Variants in ZSCAN18 observed in about 807,000 individuals in gnomAD.
ZSCAN18 encodes the protein zinc finger and SCAN domain-containing protein 18.
In ZSCAN18, 16 loss-of-function variants were observed where a neutral mutation model predicts 31.1. The observed-to-expected ratio is 0.51, with a 90% CI of 0.35 to 0.78. ZSCAN18 has a LOEUF of 0.78. Among genes scored for constraint, ZSCAN18 ranks in the 30% least tolerant of loss-of-function variants. ZSCAN18 has a pLI of 0.01. For missense variants in ZSCAN18, 731 were observed against 697.4 expected (o/e 1.05, Z -0.54); for synonymous variants, 375 against 320.7 (o/e 1.17, Z -1.81).
At chr19:58,117,691 G>A (rs562493051) in intron 1 of ZSCAN18, among the ~76,000 whole-genome samples, 1 of 150,610 alleles carries the variant, frequency 6.6e-6, no homozygotes, top group East Asian at 2.0e-4. Flanking sequence ...ACCCTGGGAA[G>A]GTGAGAAAAG....
At chr19:58,103,462 CATT>C (rs952523059) in intron 1 of ZSCAN18, among the ~76,000 whole-genome samples, 14 of 152,140 alleles carry the variant, frequency 9.2e-5, no homozygotes, top group Non-Finnish European at 1.9e-4. Flanking sequence ...CAAACTATTG[CATT>C]ATTATTATCT....
At chr19:58,113,036 C>T (rs1347849121) in intron 1 of ZSCAN18, among the ~76,000 whole-genome samples, 4 of 150,366 alleles carry the variant, frequency 2.7e-5, no homozygotes, top group Non-Finnish European at 5.9e-5. Flanking sequence ...GGGTCAAGGG[C>T]CAGGCGCAGT....
In ZSCAN18 at chr19:58,089,305, A is replaced by C. The variant is rs1424272529; in HGVS notation, c.404-468T>G. Among the ~76,000 whole-genome samples, 21 of 9,578 alleles carry C rather than the reference A, an allele frequency of 2.2e-3. 3 individuals carry two copies. Among genetic ancestry groups the C allele is most frequent in the Non-Finnish European group, 3.7e-3 (13 of 3,504 alleles). 6.3% of individuals were successfully genotyped at this position (9,578 alleles called of 152,430 possible). On this transcript the variant is annotated intron_variant, in intron 2 of 6. Coordinates refer to ENST00000601144, the MANE Select transcript of ZSCAN18 (RefSeq NM_001145543.2). Reference sequence around the variant, plus strand: ...GCGACAGAGCGAGACTCCGTCTCAAAAAAAAAAAAAAAAAAAAAAAAAAAA... The same window carrying C: ...GCGACAGAGCGAGACTCCGTCTCAACAAAAAAAAAAAAAAAAAAAAAAAAA...
At chr19:58,109,090 T>C (rs1438890994) in intron 1 of ZSCAN18, 2 of 1,227,600 alleles carry the variant, frequency 1.6e-6, no homozygotes, top group Non-Finnish European at 2.0e-6. Context: ...CCCTCATAGA[T>C]GCTCTGGGTC....
chr19:58,107,362 G>T (rs1479476387), intron 1 of ZSCAN18, among the ~76,000 whole-genome samples: 1 of 151,792 alleles, frequency 6.6e-6, no homozygotes, highest in Admixed American at 6.6e-5. Flanking sequence ...TTCAAGACCA[G>T]CCTGACCAAC....
intron 1 of ZSCAN18, among the ~76,000 whole-genome samples, chr19:58,093,955 G>C (rs1247505275): frequency 2.6e-5 from 4 of 151,680 alleles, no homozygotes; most frequent in Admixed American, 6.6e-5. Flanking sequence ...AGTACAGACG[G>C]GGTTTCACCA....
Position 58,098,162 on chromosome 19 carries a change from G to A in ZSCAN18, c.-120+12C>T, listed in dbSNP as rs895663232. 2.1e-5 allele frequency: 21 copies of A among 985,432 alleles called. No individual in the cohort carries two copies. Among genetic ancestry groups the A allele is most frequent in the Non-Finnish European group, 2.5e-5 (21 of 830,070 alleles). The allele number at this position is 985,432 out of a possible 1,614,324, so 61.0% of individuals were successfully genotyped here. ...CTCTGACCCCCGCGCTGCATCCCCG[G>A]GACCGACCCACCTGCTGCGCAGCTA... On this transcript the variant is annotated intron_variant, in intron 1 of 6. Coordinates refer to ENST00000601144, the MANE Select transcript of ZSCAN18 (RefSeq NM_001145543.2).
At position 58,085,126 on chromosome 19, in the gene ZSCAN18, C is replaced by G. The variant is rs549321719; in HGVS notation, c.1092G>C (p.Thr364=). ...GCGGCCTCTTGGTTCCCAGTTTCGC[C>G]GTGCCCCTGTCCGGGGCAGGCTGCT... ...VIQQPAPDRG[T]AKLGTKRPHP... Residue 364 remains threonine, a synonymous_variant, in exon 7 of 7, where the codon ACG becomes ACC. Transcript: ENST00000601144. 1 of 1,608,354 alleles carries G rather than the reference C, an allele frequency of 6.2e-7. No homozygotes were observed. The highest frequency in any genetic ancestry group is 8.5e-7 in the Non-Finnish European group (1 of 1,177,702).
intron 5 of ZSCAN18, chr19:58,086,522 T>C (rs947261149): frequency 4.1e-6 from 2 of 490,076 alleles, no homozygotes; most frequent in African/African-American, 3.9e-5. Flanking sequence ...CAAAAATTGC[T>C]CAGGAGTCTG....
chr19:58,085,842 G>GC (rs2074268526), intron 6 of ZSCAN18: 2 of 351,628 alleles, frequency 5.7e-6, no homozygotes, highest in Non-Finnish European at 1.0e-5. Context: ...GGGCCCTCCA[G>GC]CCCAAGTCCG....
chr19:58,115,902 A>T (rs1005925249), intron 1 of ZSCAN18, among the ~76,000 whole-genome samples: 11 of 152,122 alleles, frequency 7.2e-5, no homozygotes, highest in African/African-American at 2.7e-4. Flanking sequence ...TACACATTCA[A>T]CTTGCCTCCC....
At position 58,084,591 on chromosome 19, in the gene ZSCAN18, G is replaced by T. The variant is rs2074220286; in HGVS notation, c.*94C>A. On this transcript the variant is annotated 3_prime_UTR_variant, in exon 7 of 7. Coordinates refer to ENST00000601144, the MANE Select transcript of ZSCAN18 (RefSeq NM_001145543.2). The surrounding 1 kb of genome is among the most constrained non-coding windows in gnomAD (Gnocchi z 4.5). ...CAGAGGACGTCCACAAACACCACAG[G>T]AAGCCGCCACCCAGGGGCGTGGAAA... The T allele has an allele frequency of 5.6e-6, 7 of 1,259,282 alleles. No individual in the cohort carries two copies. The highest frequency in any genetic ancestry group is 7.4e-6 in the Non-Finnish European group (7 of 951,490). The allele number at this position is 1,259,282 out of a possible 1,614,324, so 78.0% of individuals were successfully genotyped here. A position where few individuals can be genotyped will look rare whatever the true frequency, so the allele number is the denominator to read the frequency against.
rs548591472 is a variant in ZSCAN18 at position 58,105,650 on chromosome 19, G to A, written c.130+12617C>T. 4.7e-3 allele frequency among the ~76,000 whole-genome samples: 711 copies of A among 151,958 alleles called. 4 individuals are homozygous for A. Among genetic ancestry groups the A allele is most frequent in the South Asian group, 0.027 (130 of 4,814 alleles). ...CACTCCAGCCTGGGCAACAGAGTGAGACTCCGTCTCAAAAAAATAAAAAAT... is the reference window on the plus strand; with the variant it reads ...CACTCCAGCCTGGGCAACAGAGTGAAACTCCGTCTCAAAAAAATAAAAAAT... On this transcript the variant is annotated intron_variant, in intron 1 of 1. Coordinates refer to the ZSCAN18 transcript ENST00000595721.
rs939540798 is a variant in ZSCAN18, at chr19:58,084,283, T to C, written c.*402A>G. ...GCTAAACAGCTGACAAAATTTCCAC[T>C]TGAGCAACCCTGGGGAGCGCAAACA... On this transcript the variant is annotated 3_prime_UTR_variant, in exon 7 of 7. Coordinates refer to ENST00000601144, the MANE Select transcript of ZSCAN18 (RefSeq NM_001145543.2). The surrounding 1 kb of genome is among the most constrained non-coding windows in gnomAD (Gnocchi z 4.5). 1.1e-5 allele frequency: 2 copies of C among 174,810 alleles called. No homozygotes were observed. Among genetic ancestry groups the C allele is most frequent in the Non-Finnish European group, 1.2e-5 (1 of 83,354 alleles). The allele number at this position is 174,810 out of a possible 1,614,324, so 10.8% of individuals were successfully genotyped here.
intron 1 of ZSCAN18, chr19:58,108,697 C>T (rs1294529487): frequency 1.0e-6 from 1 of 985,352 alleles, no homozygotes; most frequent in Non-Finnish European, 1.2e-6. Context: ...AGAGATACTT[C>T]CATTGTGTTC....
intron 1 of ZSCAN18, 30 bp downstream of exon 1, chr19:58,098,144 C>A (rs1459791372): frequency 2.0e-6 from 2 of 985,412 alleles, no homozygotes; most frequent in African/African-American, 3.5e-5. Flanking sequence ...GCTCTCTGAC[C>A]CCCGCGCTGC....
intron 6 of ZSCAN18, chr19:58,085,795 A>C: frequency 2.4e-5 from 7 of 296,514 alleles, no homozygotes; most frequent in Admixed American, 9.6e-5. Context: ...CTAAGGCCAA[A>C]CCCCCCAGCG....
intron 1 of ZSCAN18, among the ~76,000 whole-genome samples, chr19:58,112,805 GC>G (rs1183077068): frequency 1.3e-5 from 2 of 151,312 alleles, no homozygotes; most frequent in Non-Finnish European, 2.9e-5. Context: ...CAAAAAATTA[GC>G]CAGGCATGGT....
In ZSCAN18 at chr19:58,108,702, G is replaced by A. The variant is rs2074655416; in HGVS notation, c.130+9565C>T. 7.1e-6 allele frequency: 7 copies of A among 985,230 alleles called. 1 individual carries two copies. Among genetic ancestry groups the A allele is most frequent in the African/African-American group, 5.2e-5 (3 of 57,206 alleles). 61.0% of individuals were successfully genotyped at this position (985,230 alleles called of 1,614,324 possible). On this transcript the variant is annotated intron_variant, in intron 1 of 1. Transcript: ENST00000595721. ...ATTCATTTCCAGAGATACTTCCATT[G>A]TGTTCATAAGGACATGTGTCCCTAT...
Sources: allele counts gnomAD v4.1 joint callset (sites outside exome capture counted in the v4.1 genomes callset), GRCh38; gene constraint gnomAD v4.1.1; non-coding constraint Gnocchi (gnomAD v3.1); transcripts MANE v1.5; gene names NCBI Gene and HGNC (gene_info 2026-07-23, HGNC 2026-07-21).